The following ADGRB3 variants were observed in gnomAD, a reference collection of about 807,000 sequenced individuals.
ADGRB3 encodes the protein brain-specific angiogenesis inhibitor 3.
Under a neutral mutation model 193.4 loss-of-function variants are expected in ADGRB3, and 37 were observed. The ratio of observed to expected loss-of-function variants is 0.19; its 90% confidence interval spans 0.15 to 0.25. The LOEUF (loss-of-function observed/expected upper bound fraction) is 0.25. ADGRB3 is among the 10% of genes least tolerant of loss of function. The probability of loss-of-function intolerance (pLI) is 1.00; values close to 1 mark genes in which losing one functional copy is unlikely to be tolerated. For missense variants in ADGRB3, 1,637 were observed against 1,852.9 expected (o/e 0.88, Z 2.14); for synonymous variants, 690 against 644.2 (o/e 1.07, Z -1.08).
intron 3 of ADGRB3, among the ~76,000 whole-genome samples, chr6:68,855,291 T>G (rs981793203): frequency 2.0e-5 from 3 of 152,200 alleles, no homozygotes; most frequent in Non-Finnish European, 2.9e-5. Flanking sequence ...ATAGCAAATA[T>G]AGCCTCAAGT....
intron 3 of ADGRB3, among the ~76,000 whole-genome samples, chr6:68,699,966 T>A (rs1765215360): frequency 6.6e-6 from 1 of 152,082 alleles, no homozygotes; most frequent in South Asian, 2.1e-4. Flanking sequence ...CTCAAATCAT[T>A]CCTTTATCAT....
At chr6:68,718,261 T>C (rs182609643) in intron 3 of ADGRB3, among the ~76,000 whole-genome samples, 2 of 151,852 alleles carry the variant, frequency 1.3e-5, no homozygotes, top group Admixed American at 1.3e-4. Context: ...AAATGGAGAC[T>C]TTTAAGCCCT....
chr6:68,825,502 G>A lies in ADGRB3; in HGVS notation c.758-105057G>A, dbSNP rs187354945. Among the ~76,000 whole-genome samples the A allele has an allele frequency of 2.2e-3, 336 of 152,194 alleles. 4 individuals are homozygous for A. Among genetic ancestry groups the A allele is most frequent in the Middle Eastern group, 0.01 (3 of 294 alleles). On this transcript the variant is annotated intron_variant, in intron 3 of 31. Coordinates refer to ENST00000370598, the MANE Select transcript of ADGRB3 (RefSeq NM_001704.3). ...AAAACAATAAAATAAATGCCTCTTCGATACCGACAGATTAAGAAACAGAAC... is the reference window on the plus strand; with the variant it reads ...AAAACAATAAAATAAATGCCTCTTCAATACCGACAGATTAAGAAACAGAAC...
At chr6:68,658,633 A>G (rs572630310) in intron 3 of ADGRB3, among the ~76,000 whole-genome samples, 6 of 151,428 alleles carry the variant, frequency 4.0e-5, no homozygotes, top group Non-Finnish European at 8.9e-5. Flanking sequence ...TCACTAATAC[A>G]AAGTTTTTTG....
chr6:68,669,659 A>G (rs1464279946), intron 3 of ADGRB3, among the ~76,000 whole-genome samples: 1 of 132,902 alleles, frequency 7.5e-6, no homozygotes, highest in African/African-American at 2.9e-5. Context: ...TGTATACCAA[A>G]TTTTCTTTAT....
chr6:68,878,855 A>G (rs1765658772), intron 3 of ADGRB3, among the ~76,000 whole-genome samples: 1 of 152,214 alleles, frequency 6.6e-6, no homozygotes, highest in Non-Finnish European at 1.5e-5. Flanking sequence ...GGAGCAAGTC[A>G]TGCCTTACAT....
intron 3 of ADGRB3, among the ~76,000 whole-genome samples, chr6:68,700,860 T>C (rs1179113367): frequency 4.7e-5 from 7 of 148,478 alleles, no homozygotes; most frequent in Non-Finnish European, 9.0e-5. Flanking sequence ...TTAGGAGATA[T>C]ACCTAATGTA....
intron 20 of ADGRB3, among the ~76,000 whole-genome samples, chr6:69,266,328 G>A (rs540605008): frequency 7.2e-5 from 11 of 152,010 alleles, no homozygotes; most frequent in South Asian, 2.1e-4. Flanking sequence ...TAGTTCAAAG[G>A]AACCTATGTT....
chr6:69,150,737 T>C (rs1774649190), intron 17 of ADGRB3, among the ~76,000 whole-genome samples: 2 of 152,212 alleles, frequency 1.3e-5, no homozygotes, highest in Non-Finnish European at 2.9e-5. Flanking sequence ...GAAGTCAGCA[T>C]ATCTCACCCA....
At chr6:69,353,723 T>C (rs1675457975) in intron 26 of ADGRB3, among the ~76,000 whole-genome samples, 1 of 152,146 alleles carries the variant, frequency 6.6e-6, no homozygotes, top group Admixed American at 6.5e-5. Flanking sequence ...AAGCAATAAA[T>C]TTCCTTGGCA....
chr6:69,075,075 A>C (rs534603882), intron 16 of ADGRB3, among the ~76,000 whole-genome samples: 1 of 152,170 alleles, frequency 6.6e-6, no homozygotes, highest in Admixed American at 6.5e-5. Context: ...TATCTAATAC[A>C]ATCTTAGTTT....
At chr6:69,147,297 C>G (rs1054436930) in intron 17 of ADGRB3, among the ~76,000 whole-genome samples, 4 of 152,140 alleles carry the variant, frequency 2.6e-5, no homozygotes, top group Non-Finnish European at 5.9e-5. Flanking sequence ...AAAATTCCCT[C>G]TTAGTACTGA....
At chr6:68,986,689 T>C (rs1003445689) in intron 10 of ADGRB3, among the ~76,000 whole-genome samples, 11 of 152,170 alleles carry the variant, frequency 7.2e-5, no homozygotes, top group African/African-American at 2.4e-4. Context: ...TGTTGCTTTA[T>C]GAAAAAAGCT....
Position 69,093,327 on chromosome 6 carries a change from G to T in ADGRB3, c.2480+17289G>T, listed in dbSNP as rs565516696. On this transcript the variant is annotated intron_variant, in intron 17 of 31. Coordinates refer to ENST00000370598, the MANE Select transcript of ADGRB3 (RefSeq NM_001704.3). The stretch of plus-strand genomic sequence containing the variant: ...GGATGGGGTGGGCATTCTAGGTTCA[G>T]TGGTAGATGGGTGTGTTTTCTAGGT... Among the ~76,000 whole-genome samples, 157 of 152,046 alleles carry T rather than the reference G, an allele frequency of 1.0e-3. 1 individual carries two copies. The highest frequency in any genetic ancestry group is 3.6e-3 in the African/African-American group (148 of 41,474).
chr6:69,350,197 T>C (rs1328290266), intron 26 of ADGRB3, among the ~76,000 whole-genome samples: 1 of 152,166 alleles, frequency 6.6e-6, no homozygotes, highest in Non-Finnish European at 1.5e-5. Context: ...CAGGAGCCAG[T>C]CAAAATAACT....
intron 17 of ADGRB3, among the ~76,000 whole-genome samples, chr6:69,185,358 C>A (rs1285009221): frequency 6.6e-6 from 1 of 152,106 alleles, no homozygotes; most frequent in African/African-American, 2.4e-5. Flanking sequence ...GCCTTCACTT[C>A]TTTGGCCATT....
intron 3 of ADGRB3, among the ~76,000 whole-genome samples, chr6:68,701,087 C>T (rs548835823): frequency 3.3e-5 from 5 of 151,804 alleles, no homozygotes; most frequent in African/African-American, 4.8e-5. Flanking sequence ...GATTCTATGC[C>T]GAAATTAGAG....
At position 69,252,062 on chromosome 6, in the gene ADGRB3, A is replaced by G. The variant is rs114187210; in HGVS notation, c.2814+12836A>G. Among the ~76,000 whole-genome samples the G allele has an allele frequency of 3.3e-3, 495 of 152,260 alleles. 1 individual carries two copies. Among genetic ancestry groups the G allele is most frequent in the African/African-American group, 0.011 (468 of 41,580 alleles). ...GTTCTCTCTTGTCTCCTGCCAGTCA[A>G]TCCCCATCCCCTCATAGGCAAGCGT... is the stretch of plus-strand genomic sequence containing the variant. On this transcript the variant is annotated intron_variant, in intron 20 of 31. Coordinates refer to ENST00000370598, the MANE Select transcript of ADGRB3 (RefSeq NM_001704.3).
intron 19 of ADGRB3, 58 bp from the exon 20 acceptor site, chr6:69,239,066 T>A (rs970825616): frequency 3.9e-6 from 4 of 1,020,740 alleles, no homozygotes; most frequent in Non-Finnish European, 6.1e-6. Context: ...GCACAATATA[T>A]AATTCTTCAT....
Sources: gnomAD v4.1 joint callset for allele counts (sites outside exome capture counted in the v4.1 genomes callset) on GRCh38, gnomAD v4.1.1 for gene constraint, MANE v1.5 for transcripts, NCBI Gene and HGNC (gene_info 2026-07-23, HGNC 2026-07-21) for gene names.